Variants in ADGRA3 observed in about 807,000 individuals in gnomAD.
The protein encoded by ADGRA3 is adhesion G protein-coupled receptor A3.
Under a neutral mutation model 119.8 loss-of-function variants are expected in ADGRA3, and 56 were observed. The ratio of observed to expected loss-of-function variants is 0.47; its 90% CI spans 0.38 to 0.58. The LOEUF (loss-of-function observed/expected upper bound fraction) is 0.58. Among genes scored for constraint, ADGRA3 ranks in the 20% least tolerant of loss-of-function variants. The pLI is 0.00. For synonymous variants in ADGRA3, 607 were observed against 623.8 expected (o/e 0.97, Z 0.40); for missense variants, 1,516 against 1,649.0 (o/e 0.92, Z 1.40).
chr4:22,449,309 G>A (rs1245170594), intron 4 of ADGRA3, among the ~76,000 whole-genome samples: 3 of 151,754 alleles, frequency 2.0e-5, no homozygotes, highest in Non-Finnish European at 2.9e-5. Flanking sequence ...TAACTTAGAT[G>A]CAATTACAAT....
Position 22,435,376 on chromosome 4 carries a change from C to T in ADGRA3, c.1378G>A (p.Val460Ile), listed in dbSNP as rs140136425. 9.3e-6 allele frequency: 15 copies of T among 1,613,284 alleles called. No homozygotes were observed. In the African/African-American group the frequency reaches 1.5e-4, roughly 16 times the overall value. ...EAANFSDKMD[V>I]IFVAEMIEKF... ...TCAATCATTTCTGCCACAAATATAA[C>T]ATCCATTTTGTCAGAAAAGTTGGCT... Residue 460 changes from valine (V) to isoleucine (I), a missense_variant, in exon 10 of 19, where the codon GTT becomes ATT. Val to Ile is a conservative substitution (Grantham distance 29). Transcript: ENST00000334304.
At chr4:22,406,949 T>A (rs1165113363) in intron 14 of ADGRA3, among the ~76,000 whole-genome samples, 2 of 152,012 alleles carry the variant, frequency 1.3e-5, no homozygotes, top group Non-Finnish European at 2.9e-5. Flanking sequence ...TTCCCACCTT[T>A]AAAAAAATCT....
At chr4:22,490,189 A>C (rs1248840674) in intron 1 of ADGRA3, among the ~76,000 whole-genome samples, 1 of 152,222 alleles carries the variant, frequency 6.6e-6, no homozygotes, top group Non-Finnish European at 1.5e-5. Flanking sequence ...CATTTCGTTA[A>C]GAAAAATTGA....
At chr4:22,469,018 C>T (rs889549173) in intron 2 of ADGRA3, among the ~76,000 whole-genome samples, 7 of 151,936 alleles carry the variant, frequency 4.6e-5, no homozygotes, top group African/African-American at 1.7e-4. Flanking sequence ...CAGTATGAGA[C>T]CTATAAGATC....
intron 14 of ADGRA3, among the ~76,000 whole-genome samples, chr4:22,411,937 T>C (rs1299114577): frequency 6.6e-6 from 1 of 151,822 alleles, no homozygotes; most frequent in Non-Finnish European, 1.5e-5. Flanking sequence ...AGGTATAAGT[T>C]GAATTGAAAC....
At chr4:22,405,816 C>G (rs982721233) in intron 14 of ADGRA3, among the ~76,000 whole-genome samples, 1 of 152,016 alleles carries the variant, frequency 6.6e-6, no homozygotes, top group African/African-American at 2.4e-5. Flanking sequence ...CGTGTAATGA[C>G]CAAATCAAAT....
chr4:22,476,324 C>CA (rs1301805513), intron 1 of ADGRA3, among the ~76,000 whole-genome samples: 1 of 152,104 alleles, frequency 6.6e-6, no homozygotes, highest in Non-Finnish European at 1.5e-5. Flanking sequence ...ACCAAACTGA[C>CA]AAAAGGTATT....
chr4:22,472,688 G>T (rs1385975254), intron 2 of ADGRA3, among the ~76,000 whole-genome samples: 1 of 152,118 alleles, frequency 6.6e-6, no homozygotes, highest in African/African-American at 2.4e-5. Context: ...CCTAAGTAAT[G>T]AAGTCCTGTG....
intron 14 of ADGRA3, among the ~76,000 whole-genome samples, chr4:22,411,548 G>C (rs778265816): frequency 1.3e-5 from 2 of 152,078 alleles, no homozygotes; most frequent in Non-Finnish European, 2.9e-5. Flanking sequence ...GCAGTGAGGC[G>C]AGATTGCACC....
intron 2 of ADGRA3, among the ~76,000 whole-genome samples, chr4:22,464,907 G>A (rs1353679800): frequency 6.6e-6 from 1 of 152,102 alleles, no homozygotes. Flanking sequence ...GAGGGCTGTT[G>A]GGCAAACCTC....
chr4:22,398,628 T>G, intron 16 of ADGRA3, among the ~76,000 whole-genome samples: 1 of 152,260 alleles, frequency 6.6e-6, no homozygotes, highest in Non-Finnish European at 1.5e-5. Flanking sequence ...TTTTAGTGAT[T>G]TTTACCTTTA....
At chr4:22,408,954 T>C (rs1715071076) in intron 14 of ADGRA3, among the ~76,000 whole-genome samples, 1 of 152,074 alleles carries the variant, frequency 6.6e-6, no homozygotes, top group Non-Finnish European at 1.5e-5. Flanking sequence ...TGCTGCTAAA[T>C]GCAAAAATGA....
intron 2 of ADGRA3, among the ~76,000 whole-genome samples, chr4:22,463,244 T>C (rs1036035670): frequency 6.6e-6 from 1 of 152,234 alleles, no homozygotes; most frequent in African/African-American, 2.4e-5. Flanking sequence ...CACATGACAT[T>C]GGTGAAACCA....
At chr4:22,496,678 T>TCTCAAC (rs1333315346) in intron 1 of ADGRA3, among the ~76,000 whole-genome samples, 13 of 152,206 alleles carry the variant, frequency 8.5e-5, no homozygotes, top group African/African-American at 2.7e-4. Flanking sequence ...AGACCTTTTG[T>TCTCAAC]AAATATAAGT....
chr4:22,476,202 T>C (rs767717243), intron 1 of ADGRA3, among the ~76,000 whole-genome samples: 6 of 152,084 alleles, frequency 3.9e-5, no homozygotes, highest in Non-Finnish European at 8.8e-5. Flanking sequence ...GAGACTCACA[T>C]ATGGACTCAA....
chr4:22,398,498 C>T (rs1400313761), intron 16 of ADGRA3, among the ~76,000 whole-genome samples: 1 of 152,122 alleles, frequency 6.6e-6, no homozygotes, highest in East Asian at 1.9e-4. Flanking sequence ...CCCCTCATCA[C>T]AGGTAACTAT....
At chr4:22,401,584 T>C in intron 15 of ADGRA3, 30 bp from the exon 16 acceptor site, 6 of 1,561,942 alleles carry the variant, frequency 3.8e-6, no homozygotes, top group Non-Finnish European at 5.3e-6. Flanking sequence ...AATATTAATA[T>C]TCAGGCTAGT....
At chr4:22,447,534 A>C in intron 4 of ADGRA3, 23 bp from the exon 5 acceptor site, 1 of 1,360,304 alleles carries the variant, frequency 7.4e-7, no homozygotes. Flanking sequence ...AAACAATTTC[A>C]CTTTTAAAAA....
intron 10 of ADGRA3, among the ~76,000 whole-genome samples, chr4:22,430,812 G>A (rs1449257645): frequency 6.6e-6 from 1 of 151,946 alleles, no homozygotes; most frequent in Admixed American, 6.5e-5. Context: ...TCACAGGCCT[G>A]TGATGGTTTC....
Sources: gnomAD v4.1 joint callset for allele counts (sites outside exome capture counted in the v4.1 genomes callset) on GRCh38, gnomAD v4.1.1 for gene constraint, MANE v1.5 for transcripts, NCBI Gene and HGNC (gene_info 2026-07-23, HGNC 2026-07-21) for gene names.